SLFNL1: variants seen among roughly 807,000 people sequenced by gnomAD.
The protein encoded by SLFNL1 is schlafen like 1, also known as schlafen-like protein 1.
A neutral mutation model predicts 32.5 loss-of-function variants in SLFNL1; 26 were observed. The observed-to-expected ratio is 0.80, with a 90% CI of 0.59 to 1.11. SLFNL1 has a LOEUF of 1.11. Among genes scored for constraint, SLFNL1 ranks in the 50% least tolerant of loss-of-function variants. SLFNL1 has a pLI of 0.00. For synonymous variants in SLFNL1, 255 were observed against 242.2 expected (o/e 1.05, Z -0.49); for missense variants, 553 against 546.5 (o/e 1.01, Z -0.12).
At position 41,020,385 on chromosome 1, in the gene SLFNL1, G is replaced by T; in HGVS notation, c.276C>A (p.Ala92=). The T allele has an allele frequency of 6.2e-7, 1 of 1,613,178 alleles. No individual in the cohort carries two copies. Residue 92 remains alanine, a synonymous_variant, in exon 3 of 6, where the codon GCC becomes GCA. Coordinates refer to ENST00000302946, the MANE Select transcript of SLFNL1 (RefSeq NM_144990.4). The stretch of plus-strand genomic sequence containing the variant: ...GGACAGTCACCTGCACCAGTGCATA[G>T]GCCTTCCGCGGCCGCCTCACCACTT... ...HIEVVRRPRK[A]YALVQVTVHR...
In SLFNL1 at chr1:41,017,598, T is replaced by C; in HGVS notation, c.957+37A>G. On this transcript the variant is annotated intron_variant, in intron 4 of 5. Coordinates refer to ENST00000302946, the MANE Select transcript of SLFNL1 (RefSeq NM_144990.4). This position sits in a 1 kb window ranked among gnomAD's most constrained non-coding sequence, Gnocchi z 4.9. ...CATCGTCTTACTGAGTGATGACAGATGACAGGCCCAGAGGCCCTCCTGTCC... is the reference window on the plus strand; with the variant it reads ...CATCGTCTTACTGAGTGATGACAGACGACAGGCCCAGAGGCCCTCCTGTCC... 3 of 1,512,258 alleles carry C rather than the reference T, an allele frequency of 2.0e-6. No homozygotes were observed. Among genetic ancestry groups the C allele is most frequent in the Non-Finnish European group, 2.7e-6 (3 of 1,130,468 alleles). 93.7% of individuals were successfully genotyped at this position (1,512,258 alleles called of 1,614,324 possible).
Position 41,020,598 on chromosome 1 carries a change from AC to A in SLFNL1, c.62del (p.Gly21ValfsTer14). ...QVSEPFMESW[G>X]EESLPELPAE... is the part of the protein sequence containing the mutation. ...CGGGTAGCTCCGGCAGGGACTCCTC[AC>A]CCCAGGACTCCATGAAGGGCTCTGA... On this transcript the variant is annotated frameshift_variant, in exon 3 of 6. Transcript: ENST00000302946. LOFTEE classifies it high-confidence loss of function. The A allele has an allele frequency of 6.2e-7, 1 of 1,613,162 alleles. No homozygotes were observed. Among genetic ancestry groups the A allele is most frequent in the South Asian group, 1.1e-5 (1 of 91,068 alleles).
chr1:41,021,003 G>A (rs889377265), intron 1 of SLFNL1, 133 bp from the exon 2 acceptor site: 65 of 263,484 alleles, frequency 2.5e-4, no homozygotes, highest in Admixed American at 2.3e-3. Flanking sequence ...GTGGCCCCAG[G>A]GGTCCTGTCT....
Position 41,015,906 on chromosome 1 carries a change from G to A in SLFNL1, c.*200C>T. 3.2e-6 allele frequency: 2 copies of A among 625,854 alleles called. No homozygotes were observed. The highest frequency in any genetic ancestry group is 2.9e-5 in the Admixed American group (1 of 34,952). 38.8% of individuals were successfully genotyped at this position (625,854 alleles called of 1,614,324 possible). ...AGTAAGGTCATTTGGGGACAGGGCT[G>A]AGAGCAGTTTCTTGGCTACACAGAT... On this transcript the variant is annotated 3_prime_UTR_variant, in exon 6 of 6. Transcript: ENST00000302946.
rs147059742 is a variant in SLFNL1, at chr1:41,020,773, C to T, written c.-113G>A. Reference sequence around the variant, plus strand: ...CTCCCAGAGGACTCAGGGAGTGTCCCGGCTCCTGGGAGGTACACAGATTGG... The same window carrying T: ...CTCCCAGAGGACTCAGGGAGTGTCCTGGCTCCTGGGAGGTACACAGATTGG... On this transcript the variant is annotated 5_prime_UTR_variant, in exon 3 of 6. Coordinates refer to ENST00000302946, the MANE Select transcript of SLFNL1 (RefSeq NM_144990.4). 717 of 966,698 alleles carry T rather than the reference C, an allele frequency of 7.4e-4. 6 individuals are homozygous for T. The African/African-American group carries it at 9.4e-3, about 13-fold the overall frequency. The allele number at this position is 966,698 out of a possible 1,614,324, so 59.9% of individuals were successfully genotyped here.
Position 41,020,792 on chromosome 1 carries a change from A to G in SLFNL1, c.-118-14T>C, listed in dbSNP as rs542413679. 3.2e-5 allele frequency: 25 copies of G among 787,388 alleles called. No homozygotes were observed. The African/African-American group carries it at 4.0e-4, about 13-fold the overall frequency. The allele number at this position is 787,388 out of a possible 1,614,324, so 48.8% of individuals were successfully genotyped here. On this transcript the variant is annotated splice_polypyrimidine_tract_variant and intron_variant, in intron 2 of 5. Transcript: ENST00000302946. ...GTGTCCCGGCTCCTGGGAGGTACAC[A>G]GATTGGCAGAGACTGGGCAGGGCCA...
chr1:41,018,160 G>T lies in SLFNL1; in HGVS notation c.436-4C>A. On this transcript the variant is annotated splice_polypyrimidine_tract_variant and splice_region_variant and intron_variant, in intron 3 of 5. Coordinates refer to ENST00000302946, the MANE Select transcript of SLFNL1 (RefSeq NM_144990.4). Reference sequence around the variant, plus strand: ...CCTCCTCCTCCTCCTCCTTCTCCTAGGGTGGTAGTCAAGAATGAATGTATG... The same window carrying T: ...CCTCCTCCTCCTCCTCCTTCTCCTATGGTGGTAGTCAAGAATGAATGTATG... The T allele has an allele frequency of 6.8e-7, 1 of 1,468,450 alleles. No individual in the cohort carries two copies. The allele number at this position is 1,468,450 out of a possible 1,614,324, so 91.0% of individuals were successfully genotyped here.
At chr1:41,019,672 C>T (rs188960476) in intron 3 of SLFNL1, among the ~76,000 whole-genome samples, 9 of 152,338 alleles carry the variant, frequency 5.9e-5, no homozygotes, top group African/African-American at 1.9e-4. Flanking sequence ...CTCCCTAAGT[C>T]CCGGCCTGGA....
At chr1:41,019,567 T>G (rs1018359807) in intron 3 of SLFNL1, among the ~76,000 whole-genome samples, 1 of 152,178 alleles carries the variant, frequency 6.6e-6, no homozygotes, top group African/African-American at 2.4e-5. Flanking sequence ...TGGTTTGCCC[T>G]TCTGCAGACA....
intron 3 of SLFNL1, among the ~76,000 whole-genome samples, chr1:41,018,868 C>T (rs1444370969): frequency 1.4e-5 from 2 of 141,662 alleles, no homozygotes; most frequent in Non-Finnish European, 3.0e-5. Flanking sequence ...CAGAGTCTCG[C>T]CCTGTCACCC....
In SLFNL1 at chr1:41,017,606, C is replaced by T. The variant is rs1643457074; in HGVS notation, c.957+29G>A. On this transcript the variant is annotated intron_variant, in intron 4 of 5. Coordinates refer to ENST00000302946, the MANE Select transcript of SLFNL1 (RefSeq NM_144990.4). The surrounding 1 kb of genome is among the most constrained non-coding windows in gnomAD (Gnocchi z 4.9). ...TACTGAGTGATGACAGATGACAGGC[C>T]CAGAGGCCCTCCTGTCCTGCAGGCT... is the stretch of plus-strand genomic sequence containing the variant. The T allele has an allele frequency of 2.6e-6, 4 of 1,513,730 alleles. No individual in the cohort carries two copies. The South Asian group carries it at 4.0e-5, about 15-fold the overall frequency. The allele number at this position is 1,513,730 out of a possible 1,614,324, so 93.8% of individuals were successfully genotyped here.
rs1643764790 is a variant in SLFNL1, at chr1:41,020,623, G to A, written c.38C>T (p.Ser13Leu). 5.6e-6 allele frequency: 9 copies of A among 1,613,316 alleles called. No homozygotes were observed. The highest frequency in any genetic ancestry group is 7.6e-6 in the Non-Finnish European group (9 of 1,179,974). ...ACCCCAGGACTCCATGAAGGGCTCTGACACCTGTGTTTGCACTGATCTCTT... is the reference window on the plus strand; with the variant it reads ...ACCCCAGGACTCCATGAAGGGCTCTAACACCTGTGTTTGCACTGATCTCTT... ...PMKRSVQTQV[S>L]EPFMESWGEE... The change falls in exon 3 of 6, where the codon TCA (serine) becomes TTA (leucine). Residue 13 changes from serine (S) to leucine (L), a missense_variant. By Grantham distance (145) the Ser-to-Leu change is moderately radical (BLOSUM62 -2). Transcript: ENST00000302946.
Position 41,017,664 on chromosome 1 carries a change from TG to T in SLFNL1, c.927del (p.Ser310ValfsTer11), listed in dbSNP as rs949269816. The T allele has an allele frequency of 1.3e-6, 2 of 1,547,790 alleles. No homozygotes were observed. Among genetic ancestry groups the T allele is most frequent in the African/African-American group, 1.4e-5 (1 of 73,226 alleles). ...DAYTLTFIPV[I>X]STSETSVPLK... ...AGGGGGACGCTGGTCTCCGAGGTAC[TG>T]ATCACAGGGATGAAGGTGAGAGTGT... On this transcript the variant is annotated frameshift_variant, in exon 4 of 6. Transcript: ENST00000302946. LOFTEE classifies it high-confidence loss of function. This position sits in a 1 kb window ranked among gnomAD's most constrained non-coding sequence, Gnocchi z 4.9.
chr1:41,020,160 A>G, intron 3 of SLFNL1, 66 bp downstream of exon 3: 1 of 1,482,618 alleles, frequency 6.7e-7, no homozygotes, highest in Admixed American at 2.2e-5. Context: ...TCTGCAGGCC[A>G]CTCCCACTCA....
Position 41,020,850 on chromosome 1 carries a change from G to T in SLFNL1, c.-119+14C>A, listed in dbSNP as rs1333901576. 3.3e-6 allele frequency: 2 copies of T among 602,986 alleles called. No individual in the cohort carries two copies. The highest frequency in any genetic ancestry group is 5.9e-5 in the Admixed American group (2 of 33,892). 37.4% of individuals were successfully genotyped at this position (602,986 alleles called of 1,614,324 possible). Reference sequence around the variant, plus strand: ...GGAGGGCAGAGGGCAAGCAGGAAAGGGCCTGCCACCCACCTGAGGCCTAGG... The same window carrying T: ...GGAGGGCAGAGGGCAAGCAGGAAAGTGCCTGCCACCCACCTGAGGCCTAGG... On this transcript the variant is annotated intron_variant, in intron 2 of 5. Coordinates refer to ENST00000302946, the MANE Select transcript of SLFNL1 (RefSeq NM_144990.4).
chr1:41,017,788 C>A lies in SLFNL1; in HGVS notation c.804G>T (p.Val268=). The A allele has an allele frequency of 6.2e-7, 1 of 1,605,076 alleles. No individual in the cohort carries two copies. Among genetic ancestry groups the A allele is most frequent in the Non-Finnish European group, 8.5e-7 (1 of 1,174,128 alleles). Residue 268 remains valine (V), a synonymous_variant, in exon 4 of 6, where the codon GTG becomes GTT. Coordinates refer to ENST00000302946, the MANE Select transcript of SLFNL1 (RefSeq NM_144990.4). The surrounding 1 kb of genome is among the most constrained non-coding windows in gnomAD (Gnocchi z 4.9). ...LLVGVEDSGL[V]QGIRCSHRDE... ...CACGGTGGCTGCAGCGGATGCCCTGCACCAGGCCGCTGTCCTCTACTCCCA... is the reference window on the plus strand; with the variant it reads ...CACGGTGGCTGCAGCGGATGCCCTGAACCAGGCCGCTGTCCTCTACTCCCA...
chr1:41,019,886 A>C (rs1643693262), intron 3 of SLFNL1, among the ~76,000 whole-genome samples: 1 of 152,184 alleles, frequency 6.6e-6, no homozygotes, highest in Non-Finnish European at 1.5e-5. Context: ...TGTCAATTGA[A>C]CAAATGAGTT....
At position 41,017,534 on chromosome 1, in the gene SLFNL1, C is replaced by T; in HGVS notation, c.957+101G>A. 2.0e-6 allele frequency: 3 copies of T among 1,492,236 alleles called. No individual in the cohort carries two copies. The South Asian group carries it at 4.0e-5, about 20-fold the overall frequency. The allele number at this position is 1,492,236 out of a possible 1,614,324, so 92.4% of individuals were successfully genotyped here. A position where few individuals can be genotyped will look rare whatever the true frequency, so the allele number is the denominator to read the frequency against. On this transcript the variant is annotated intron_variant, in intron 4 of 5. Transcript: ENST00000302946. This position sits in a 1 kb window ranked among gnomAD's most constrained non-coding sequence, Gnocchi z 4.9. ...AGCCTCTTCTCCTGTGGCCCCCAGT[C>T]CCGTCCCTGCCCCAGCACTGCCTGG... is the stretch of plus-strand genomic sequence containing the variant.
Position 41,015,879 on chromosome 1 carries a change from AAAGT to A in SLFNL1, c.*223_*226del. 2.0e-6 allele frequency: 1 copy of A among 497,578 alleles called. No individual in the cohort carries two copies. 30.8% of individuals were successfully genotyped at this position (497,578 alleles called of 1,614,324 possible). Reference sequence around the variant, plus strand: ...GGCAGGGTTTTACACATTCTTTCTGAAAGTAAGGTCATTTGGGGACAGGGCTGAG... The same window carrying A: ...GGCAGGGTTTTACACATTCTTTCTGAAAGGTCATTTGGGGACAGGGCTGAG... On this transcript the variant is annotated 3_prime_UTR_variant, in exon 6 of 6. Coordinates refer to ENST00000302946, the MANE Select transcript of SLFNL1 (RefSeq NM_144990.4).
Sources: allele counts gnomAD v4.1 joint callset (sites outside exome capture counted in the v4.1 genomes callset), GRCh38; gene constraint gnomAD v4.1.1; non-coding constraint Gnocchi (gnomAD v3.1); transcripts MANE v1.5; gene names NCBI Gene and HGNC (gene_info 2026-07-23, HGNC 2026-07-21).